The following PAPPA2 variants were observed in gnomAD, a reference collection of about 807,000 sequenced individuals.
PAPPA2 encodes the protein pappalysin 2.
A neutral mutation model predicts 176.4 loss-of-function variants in PAPPA2; 86 were observed. That is an observed-to-expected ratio of 0.49 (90% CI 0.41 to 0.58). PAPPA2 has a LOEUF of 0.58. PAPPA2 is among the 20% of genes least tolerant of loss of function. The pLI, the probability that PAPPA2 is intolerant of heterozygous loss-of-function variation, is 0.00. For missense variants in PAPPA2, 2,073 were observed against 2,256.9 expected (o/e 0.92, Z 1.65); for synonymous variants, 809 against 852.2 (o/e 0.95, Z 0.88).
chr1:176,652,688 G>A (rs1657798659), intron 3 of PAPPA2, among the ~76,000 whole-genome samples: 1 of 151,702 alleles, frequency 6.6e-6, no homozygotes, highest in African/African-American at 2.4e-5. Context: ...TCTCCCTTCA[G>A]TCACTCCTGA....
At chr1:176,684,670 T>C (rs190023041) in intron 4 of PAPPA2, among the ~76,000 whole-genome samples, 1 of 152,258 alleles carries the variant, frequency 6.6e-6, no homozygotes, top group East Asian at 1.9e-4. Flanking sequence ...ATATTCCCCA[T>C]AACTAGAGAG....
intron 7 of PAPPA2, among the ~76,000 whole-genome samples, chr1:176,696,152 T>C (rs997210482): frequency 6.6e-6 from 1 of 151,960 alleles, no homozygotes; most frequent in African/African-American, 2.4e-5. Context: ...ACTCAGGGTG[T>C]GACTTCAGGG....
At chr1:176,638,939 C>CGT (rs34264749) in intron 3 of PAPPA2, among the ~76,000 whole-genome samples, 3,490 of 143,042 alleles carry the variant, frequency 0.024, 54 homozygotes, top group East Asian at 0.063. Flanking sequence ...TGTGCATGTG[C>CGT]GTGTGTGTGT....
intron 21 of PAPPA2, 35 bp from the exon 22 acceptor site, chr1:176,840,138 C>A: frequency 6.7e-7 from 1 of 1,500,178 alleles, no homozygotes; most frequent in Non-Finnish European, 9.3e-7. Flanking sequence ...CATAATAAGG[C>A]TATACTGAGA....
At chr1:176,468,264 A>G (rs1651716332) in intron 1 of PAPPA2, among the ~76,000 whole-genome samples, 1 of 152,046 alleles carries the variant, frequency 6.6e-6, no homozygotes, top group Non-Finnish European at 1.5e-5. Context: ...AGAGCTTCAG[A>G]CTGAGTTTTT....
chr1:176,633,949 GC>G (rs1656505287), intron 3 of PAPPA2, among the ~76,000 whole-genome samples: 2 of 152,202 alleles, frequency 1.3e-5, no homozygotes, highest in East Asian at 3.8e-4. Flanking sequence ...AACAACAGGT[GC>G]TGGAGAGGAT....
intron 7 of PAPPA2, 95 bp from the exon 8 acceptor site, chr1:176,699,005 C>A: frequency 3.5e-6 from 5 of 1,427,722 alleles, no homozygotes; most frequent in Admixed American, 4.5e-5. Flanking sequence ...TCTAAAAGTT[C>A]TCTCCATAGT....
At chr1:176,724,405 G>C (rs1314321062) in intron 12 of PAPPA2, among the ~76,000 whole-genome samples, 1 of 152,158 alleles carries the variant, frequency 6.6e-6, no homozygotes, top group African/African-American at 2.4e-5. Context: ...GAAGCAATTT[G>C]AGAAGCAGAT....
chr1:176,523,342 A>G (rs1169447698), intron 1 of PAPPA2, among the ~76,000 whole-genome samples: 2 of 152,310 alleles, frequency 1.3e-5, no homozygotes, highest in Non-Finnish European at 1.5e-5. Context: ...GATGGTAGCT[A>G]AATTTCCCCT....
intron 14 of PAPPA2, among the ~76,000 whole-genome samples, chr1:176,747,312 A>G (rs1442048823): frequency 6.6e-6 from 1 of 152,200 alleles, no homozygotes; most frequent in African/African-American, 2.4e-5. Context: ...CAAGTAATAC[A>G]GGCAAGCTGG....
At chr1:176,665,587 A>G (rs1237894997) in intron 3 of PAPPA2, among the ~76,000 whole-genome samples, 1 of 152,128 alleles carries the variant, frequency 6.6e-6, no homozygotes, top group African/African-American at 2.4e-5. Flanking sequence ...TGGATTTACA[A>G]ATTTTTTTTA....
intron 2 of PAPPA2, among the ~76,000 whole-genome samples, chr1:176,560,502 T>C (rs1212180479): frequency 1.3e-5 from 2 of 152,010 alleles, no homozygotes; most frequent in African/African-American, 4.8e-5. Context: ...ACAACCAAGG[T>C]GTAGGAGAGG....
At chr1:176,738,557 C>T (rs1233032848) in intron 12 of PAPPA2, among the ~76,000 whole-genome samples, 3 of 152,118 alleles carry the variant, frequency 2.0e-5, no homozygotes, top group Non-Finnish European at 4.4e-5. Flanking sequence ...GAACAATTTT[C>T]CTGGAGCTTC....
At chr1:176,773,681 A>G (rs540844143) in intron 17 of PAPPA2, among the ~76,000 whole-genome samples, 173 of 152,310 alleles carry the variant, frequency 1.1e-3, no homozygotes, top group African/African-American at 3.6e-3. Flanking sequence ...TAATGTCGTG[A>G]AAGCATTTTA....
At chr1:176,632,499 A>C (rs1293270964) in intron 3 of PAPPA2, among the ~76,000 whole-genome samples, 1 of 152,092 alleles carries the variant, frequency 6.6e-6, no homozygotes, top group Non-Finnish European at 1.5e-5. Context: ...ACTGCACTCC[A>C]GCCTGGGCGA....
intron 1 of PAPPA2, among the ~76,000 whole-genome samples, chr1:176,480,877 G>T (rs1383066499): frequency 1.3e-5 from 2 of 151,838 alleles, no homozygotes; most frequent in African/African-American, 4.8e-5. Flanking sequence ...TCACCCGACT[G>T]TGCACATATT....
At chr1:176,693,732 C>T (rs1036802070) in intron 6 of PAPPA2, among the ~76,000 whole-genome samples, 1 of 152,140 alleles carries the variant, frequency 6.6e-6, no homozygotes, top group African/African-American at 2.4e-5. Flanking sequence ...TGGTCATCAG[C>T]GCCCAAACCC....
At chr1:176,667,556 A>C (rs1053699403) in intron 3 of PAPPA2, among the ~76,000 whole-genome samples, 1 of 152,114 alleles carries the variant, frequency 6.6e-6, no homozygotes, top group Non-Finnish European at 1.5e-5. Flanking sequence ...ACAAGTCCCA[A>C]GGTGTGGGCC....
At chr1:176,514,454 G>A (rs1205452501) in intron 1 of PAPPA2, among the ~76,000 whole-genome samples, 1 of 152,162 alleles carries the variant, frequency 6.6e-6, no homozygotes, top group African/African-American at 2.4e-5. Flanking sequence ...CGTGGATTTG[G>A]AAGGGACACA....
Sources: gnomAD v4.1 joint callset for allele counts (sites outside exome capture counted in the v4.1 genomes callset) on GRCh38, gnomAD v4.1.1 for gene constraint, MANE v1.5 for transcripts, NCBI Gene and HGNC (gene_info 2026-07-23, HGNC 2026-07-21) for gene names.